RCC1L: variants seen among roughly 807,000 people sequenced by gnomAD.
The protein encoded by RCC1L is RCC1 like, also known as RCC1-like G exchanging factor-like protein.
RCC1L carries 46 observed loss-of-function variants against 58.6 expected under a neutral mutation model. The observed-to-expected ratio is 0.79, with a 90% confidence interval of 0.62 to 1.00. The LOEUF (loss-of-function observed/expected upper bound fraction) is 1.00. Ranked by LOEUF, RCC1L falls within the 50% of genes least tolerant of loss-of-function variation. The pLI is 0.00. For synonymous variants in RCC1L, 281 were observed against 262.9 expected, an observed-to-expected ratio of 1.07 and a Z score of -0.67; for missense variants, 636 against 623.6, an observed-to-expected ratio of 1.02 and a Z score of -0.21.
chr7:75,034,334 A>G (rs932675939), intron 10 of RCC1L, among the ~76,000 whole-genome samples: 17 of 152,146 alleles, frequency 1.1e-4, no homozygotes, highest in African/African-American at 4.1e-4. Context: ...TGGGCAACAC[A>G]GTGAAATCCC....
At chr7:75,056,841 C>A (rs2131993467) in intron 8 of RCC1L, 2 of 1,045,496 alleles carry the variant, frequency 1.9e-6, no homozygotes, top group East Asian at 5.2e-5. Flanking sequence ...TTTTTTGAAA[C>A]AGGGTCTCAC....
At chr7:75,068,304 G>A (rs1806579857) in intron 2 of RCC1L, among the ~76,000 whole-genome samples, 2 of 123,000 alleles carry the variant, frequency 1.6e-5, no homozygotes, top group South Asian at 2.7e-4. Flanking sequence ...TGGGCAACGA[G>A]AGTGAAACTC....
intron 3 of RCC1L, among the ~76,000 whole-genome samples, chr7:75,065,594 C>G (rs1806442978): frequency 1.3e-5 from 2 of 151,976 alleles, no homozygotes; most frequent in Admixed American, 6.6e-5. Flanking sequence ...AAAATGTGAT[C>G]ACATTGACCT....
intron 10 of RCC1L, among the ~76,000 whole-genome samples, chr7:75,034,311 T>G (rs1417260800): frequency 6.6e-6 from 1 of 151,354 alleles, no homozygotes; most frequent in African/African-American, 2.4e-5. Flanking sequence ...AGCTCAGAGG[T>G]TCAAGACCAG....
chr7:75,034,732 G>T (rs1805397411), intron 10 of RCC1L, among the ~76,000 whole-genome samples: 2 of 152,258 alleles, frequency 1.3e-5, no homozygotes, highest in South Asian at 4.1e-4. Flanking sequence ...GCTCACTGCA[G>T]CCTCGAACTC....
At chr7:75,068,932 C>A (rs1219689128) in intron 2 of RCC1L, among the ~76,000 whole-genome samples, 3 of 151,960 alleles carry the variant, frequency 2.0e-5, no homozygotes, top group Non-Finnish European at 4.4e-5. Flanking sequence ...GGCAGTGGTG[C>A]GATCTCGGCT....
chr7:75,055,738 C>A, intron 9 of RCC1L, 163 bp downstream of exon 9: 6 of 807,402 alleles, frequency 7.4e-6, no homozygotes, highest in South Asian at 6.6e-5. Flanking sequence ...TATACAACCT[C>A]GAGGCAAACA....
chr7:75,066,273 A>T (rs1167795964), intron 3 of RCC1L, among the ~76,000 whole-genome samples: 2 of 152,068 alleles, frequency 1.3e-5, no homozygotes, highest in Admixed American at 1.3e-4. Flanking sequence ...AACATGGTGA[A>T]ACCCCGTCTC....
chr7:75,059,015 TA>T (rs1197804891), intron 6 of RCC1L, among the ~76,000 whole-genome samples: 11,741 of 133,278 alleles, frequency 0.088, 615 homozygotes, highest in South Asian at 0.13. Flanking sequence ...TGTCTCTACT[TA>T]AAAAAAAAAA....
chr7:75,052,950 A>G (rs1265220787), intron 9 of RCC1L, among the ~76,000 whole-genome samples, 154 bp from the exon 10 acceptor site: 2 of 151,708 alleles, frequency 1.3e-5, no homozygotes, highest in Non-Finnish European at 2.9e-5. Flanking sequence ...TTTGAAGGCA[A>G]AAGTAAGGGT....
Position 75,057,757 on chromosome 7 carries a change from A to G in RCC1L, c.970-141T>C, listed in dbSNP as rs950024061. The G allele has an allele frequency of 1.3e-4, 106 of 789,736 alleles. No homozygotes were observed. In the East Asian group the frequency reaches 2.8e-3, roughly 20 times the overall value. The allele number at this position is 789,736 out of a possible 1,614,324, so 48.9% of individuals were successfully genotyped here. On this transcript the variant is annotated intron_variant, in intron 7 of 10. Transcript: ENST00000610322. ...ACTTCCTGAACATCACATGCCAAGC[A>G]TCATACTAGGTGCTGGGGTAGAATG...
intron 4 of RCC1L, 54 bp from the exon 5 acceptor site, chr7:75,063,397 T>G (rs1283297906): frequency 2.5e-6 from 4 of 1,584,154 alleles, no homozygotes; most frequent in African/African-American, 1.3e-5. Context: ...TGACAAGCAC[T>G]GTGCAGCCCT....
chr7:75,045,877 C>A (rs1805704859), intron 10 of RCC1L, among the ~76,000 whole-genome samples: 1 of 152,208 alleles, frequency 6.6e-6, no homozygotes, highest in South Asian at 2.1e-4. Context: ...GCCGGAAGAC[C>A]CCTGCCAGGA....
chr7:75,056,810 C>G, intron 8 of RCC1L: 2 of 1,282,848 alleles, frequency 1.6e-6, no homozygotes, highest in Non-Finnish European at 2.2e-6. Context: ...ATGCCATCTT[C>G]CCATGGCCAT....
At chr7:75,056,106 T>C in intron 8 of RCC1L, 32 bp from the exon 9 acceptor site, 1 of 1,613,090 alleles carries the variant, frequency 6.2e-7, no homozygotes, top group Non-Finnish European at 8.5e-7. Context: ...GGTCAGTAAG[T>C]CCATCCAAGT....
In RCC1L at chr7:75,066,665, T is replaced by C. The variant is rs1298301695; in HGVS notation, c.582A>G (p.Gly194=). ...AHSLVLTDRE[G]VFSMGNNSYG... Reference sequence around the variant, plus strand: ...TCACCCTTCAATAGGTCAACTCACCTCCTTCCCTGTCAGTCAACACAAGAG... The same window carrying C: ...TCACCCTTCAATAGGTCAACTCACCCCCTTCCCTGTCAGTCAACACAAGAG... Residue 194 remains glycine (G), a splice_region_variant and synonymous_variant, in exon 3 of 11, where the codon GGA becomes GGG. Coordinates refer to ENST00000610322, the MANE Select transcript of RCC1L (RefSeq NM_030798.5). 1.9e-6 allele frequency: 3 copies of C among 1,611,454 alleles called. No homozygotes were observed. The highest frequency in any genetic ancestry group is 2.5e-6 in the Non-Finnish European group (3 of 1,178,770).
chr7:75,030,182 T>TG (rs1359227522), intron 10 of RCC1L, among the ~76,000 whole-genome samples: 8 of 151,604 alleles, frequency 5.3e-5, no homozygotes, highest in African/African-American at 1.9e-4. Context: ...GTGCTAGGAG[T>TG]GGGGGTGCAG....
intron 1 of RCC1L, among the ~76,000 whole-genome samples, chr7:75,072,841 G>A (rs2115573302): frequency 6.6e-6 from 1 of 152,248 alleles, no homozygotes; most frequent in Middle Eastern, 3.4e-3. Context: ...GCCGGGCTAG[G>A]TGGCAGGACG....
chr7:75,066,981 T>C (rs111457769), intron 2 of RCC1L, among the ~76,000 whole-genome samples, 189 bp from the exon 3 acceptor site: 13,164 of 152,154 alleles, frequency 0.087, 710 homozygotes, highest in South Asian at 0.13. Context: ...CTGTCTCTAT[T>C]ACATAATGCG....
Sources: allele counts gnomAD v4.1 joint callset (sites outside exome capture counted in the v4.1 genomes callset), GRCh38; gene constraint gnomAD v4.1.1; transcripts MANE v1.5; gene names NCBI Gene and HGNC (gene_info 2026-07-23, HGNC 2026-07-21).